APBB2: variants seen among roughly 807,000 people sequenced by gnomAD.
APBB2 encodes Fe65-like 1.
A neutral mutation model predicts 82.5 loss-of-function variants in APBB2; 38 were observed. The ratio of observed to expected loss-of-function variants is 0.46; its 90% CI spans 0.36 to 0.60. The LOEUF (loss-of-function observed/expected upper bound fraction) is 0.60, where lower values mean the gene tolerates loss of function less well. Ranked by LOEUF, APBB2 falls within the 20% of genes least tolerant of loss-of-function variation. The probability of loss-of-function intolerance (pLI) is 0.00; values close to 1 mark genes in which losing one functional copy is unlikely to be tolerated. For missense variants in APBB2, 772 were observed against 972.3 expected, an observed-to-expected ratio of 0.79 and a Z score of 2.74; for synonymous variants, 341 against 368.2, an observed-to-expected ratio of 0.93 and a Z score of 0.85.
chr4:40,880,713 T>G (rs1393023739), intron 12 of APBB2: 2 of 985,310 alleles, frequency 2.0e-6, no homozygotes, highest in Non-Finnish European at 2.4e-6. Flanking sequence ...ATCCTTTGTC[T>G]GGCTCAGGAC....
chr4:41,018,252 A>G (rs1022496342), intron 5 of APBB2, among the ~76,000 whole-genome samples: 19 of 152,228 alleles, frequency 1.2e-4, no homozygotes, highest in Admixed American at 1.0e-3. Flanking sequence ...GTACTGTGCT[A>G]GGAATTGGAA....
intron 1 of APBB2, among the ~76,000 whole-genome samples, chr4:41,163,856 C>T (rs1230437059): frequency 6.6e-6 from 1 of 152,164 alleles, no homozygotes. Flanking sequence ...ATTTTGAGAT[C>T]ACCTTTATAC....
chr4:40,964,726 T>C (rs1469418711), intron 6 of APBB2, among the ~76,000 whole-genome samples: 8 of 81,570 alleles, frequency 9.8e-5, no homozygotes, highest in African/African-American at 2.7e-4. Context: ...CAAAACACAG[T>C]ACACGGGGGA....
At chr4:40,945,438 C>T (rs1788108112) in intron 6 of APBB2, among the ~76,000 whole-genome samples, 1 of 152,142 alleles carries the variant, frequency 6.6e-6, no homozygotes, top group African/African-American at 2.4e-5. Context: ...ATGCTTTTGT[C>T]AATTATTAAG....
intron 13 of APBB2, among the ~76,000 whole-genome samples, chr4:40,828,227 C>T (rs922833544): frequency 6.6e-6 from 1 of 152,206 alleles, no homozygotes; most frequent in African/African-American, 2.4e-5. Context: ...TAAATTGCTT[C>T]TCTTCTGTAA....
At chr4:40,986,533 C>T (rs1241983664) in intron 6 of APBB2, among the ~76,000 whole-genome samples, 6 of 152,188 alleles carry the variant, frequency 3.9e-5, no homozygotes, top group East Asian at 3.8e-4. Context: ...TGAAGTTCCA[C>T]GTGCAAATGG....
intron 6 of APBB2, chr4:40,990,052 A>G (rs1249295906): frequency 1.3e-5 from 2 of 152,256 alleles, no homozygotes; most frequent in Non-Finnish European, 2.9e-5. Context: ...GAGTGATACA[A>G]TGTGGAAACC....
chr4:40,983,749 T>C (rs1799705285), intron 6 of APBB2, among the ~76,000 whole-genome samples: 3 of 152,150 alleles, frequency 2.0e-5, no homozygotes, highest in South Asian at 4.1e-4. Flanking sequence ...CGCTAATTTT[T>C]GTATTTTTGG....
At chr4:41,017,464 G>C (rs570761470) in intron 5 of APBB2, among the ~76,000 whole-genome samples, 4 of 152,178 alleles carry the variant, frequency 2.6e-5, no homozygotes, top group Non-Finnish European at 5.9e-5. Context: ...GAGAGGAAAT[G>C]CTGTAAGGGT....
chr4:40,952,861 CCT>C (rs775524773), intron 6 of APBB2, among the ~76,000 whole-genome samples: 1 of 152,178 alleles, frequency 6.6e-6, no homozygotes, highest in Non-Finnish European at 1.5e-5. Flanking sequence ...TATCACGCGC[CCT>C]GTGTCCTTCG....
At chr4:41,191,865 T>C (rs1450968262) in intron 1 of APBB2, among the ~76,000 whole-genome samples, 1 of 152,088 alleles carries the variant, frequency 6.6e-6, no homozygotes, top group Non-Finnish European at 1.5e-5. Flanking sequence ...GAAAAAGCAT[T>C]TGCAAACCAT....
intron 12 of APBB2, among the ~76,000 whole-genome samples, chr4:40,831,939 T>C (rs1414400686): frequency 6.6e-6 from 1 of 151,954 alleles, no homozygotes; most frequent in East Asian, 1.9e-4. Flanking sequence ...TATTTCTCAA[T>C]GTTAACATTG....
chr4:40,821,774 CTTTTTTCATTTCCG>C, intron 17 of APBB2, 83 bp downstream of exon 17: 1 of 1,434,368 alleles, frequency 7.0e-7, no homozygotes, highest in Non-Finnish European at 9.4e-7. Context: ...AGGGATTCGA[CTTTTTTCATTTCCG>C]TGAGTGATTC....
At chr4:41,133,379 C>A (rs568427424) in intron 2 of APBB2, among the ~76,000 whole-genome samples, 4 of 152,106 alleles carry the variant, frequency 2.6e-5, no homozygotes, top group African/African-American at 9.6e-5. Context: ...CTTTTTTGCA[C>A]GTGCTGGAAG....
At chr4:40,954,866 T>C (rs1267756232) in intron 6 of APBB2, among the ~76,000 whole-genome samples, 1 of 152,186 alleles carries the variant, frequency 6.6e-6, no homozygotes, top group African/African-American at 2.4e-5. Flanking sequence ...GGTTCCACCA[T>C]GTTGGCCAGG....
Position 40,832,011 on chromosome 4 carries a change from T to TACACACACACACACACACACACACACAC in APBB2, c.1530-1435_1530-1434insGTGTGTGTGTGTGTGTGTGTGTGTGTGT, listed in dbSNP as rs1386389411. ...ACACACATATTTATATATTTATTTA[T>TACACACACACACACACACACACACACAC]ATACACACACACACACACACACACA... is the stretch of plus-strand genomic sequence containing the variant. On this transcript the variant is annotated intron_variant, in intron 12 of 17. Transcript: ENST00000508593. The surrounding 1 kb of genome is among the most constrained non-coding windows in gnomAD (Gnocchi z 4.8). Among the ~76,000 whole-genome samples the TACACACACACACACACACACACACACAC allele has an allele frequency of 6.1e-5, 3 of 49,526 alleles. No homozygotes were observed. The highest frequency in any genetic ancestry group is 1.6e-4 in the African/African-American group (3 of 19,102). The allele number at this position is 49,526 out of a possible 152,430, so 32.5% of individuals were successfully genotyped here.
At chr4:40,923,537 C>T (rs1012176170) in intron 10 of APBB2, among the ~76,000 whole-genome samples, 1 of 152,190 alleles carries the variant, frequency 6.6e-6, no homozygotes, top group African/African-American at 2.4e-5. Flanking sequence ...TGTGATTATT[C>T]ATGGCCCAAA....
At chr4:41,142,266 G>A (rs1294986283) in intron 2 of APBB2, among the ~76,000 whole-genome samples, 1 of 152,140 alleles carries the variant, frequency 6.6e-6, no homozygotes, top group African/African-American at 2.4e-5. Context: ...TATAATATAT[G>A]TTTTCAAAAT....
chr4:40,989,747 T>C (rs1801503422), intron 6 of APBB2, among the ~76,000 whole-genome samples: 1 of 152,190 alleles, frequency 6.6e-6, no homozygotes, highest in Non-Finnish European at 1.5e-5. Context: ...CTCTGTGTCA[T>C]CCGAGCCTCG....
Sources: gnomAD v4.1 joint callset for allele counts (sites outside exome capture counted in the v4.1 genomes callset) on GRCh38, gnomAD v4.1.1 for gene constraint, Gnocchi (gnomAD v3.1) non-coding constraint, MANE v1.5 for transcripts, NCBI Gene and HGNC (gene_info 2026-07-23, HGNC 2026-07-21) for gene names.